Variants in TBC1D2B observed in about 807,000 individuals in gnomAD.
TBC1D2B encodes the protein TBC1 domain family member 2B, also known as TBC1 domain family, member 2B.
In TBC1D2B, 64 loss-of-function variants were observed where a neutral mutation model predicts 100.8. The observed-to-expected ratio is 0.64, with a 90% CI of 0.52 to 0.78. TBC1D2B has a LOEUF of 0.78. Ranked by LOEUF, TBC1D2B falls within the 30% of genes least tolerant of loss-of-function variation. The pLI is 0.00. For missense variants in TBC1D2B, 1,052 were observed against 1,218.4 expected (o/e 0.86, Z 2.03); for synonymous variants, 480 against 479.7 (o/e 1.00, Z -0.01).
intron 8 of TBC1D2B, among the ~76,000 whole-genome samples, chr15:78,014,026 G>T (rs2072305063): frequency 6.6e-6 from 1 of 152,194 alleles, no homozygotes; most frequent in Middle Eastern, 3.2e-3. Context: ...ATGGGAAAAG[G>T]GGCCACAGGC....
chr15:78,025,275 T>A lies in TBC1D2B; in HGVS notation c.1070A>T (p.Asp357Val), dbSNP rs1567020441. The A allele has an allele frequency of 6.2e-7, 1 of 1,613,504 alleles. No individual in the cohort carries two copies. The highest frequency in any genetic ancestry group is 1.7e-5 in the Admixed American group (1 of 60,020). Residue 357 changes from aspartate (D) to valine (V), a missense_variant, in exon 5 of 13, where the codon GAC (aspartate) becomes GTC (valine). Transcript: ENST00000300584. ...AGAAGTTACCTTCTGACTGGACAGG[T>A]CTTTCTTTAACTGTTCCAGCTCTTC... The part of the protein sequence containing the change: ...QQEELEQLKK[D>V]LSSQKELVRL...
chr15:78,069,175 A>T (rs1236252617), intron 1 of TBC1D2B, among the ~76,000 whole-genome samples: 1 of 152,146 alleles, frequency 6.6e-6, no homozygotes. Context: ...TACTCCTTCC[A>T]TTTCTCAAGA....
chr15:78,077,411 T>C lies in TBC1D2B; in HGVS notation c.242A>G (p.His81Arg). ...GAAGCAGGCGTCCGCGATGTCCAAG[T>C]GGCCGAGGGGCAGCGCGTCCTGCGG... is the stretch of plus-strand genomic sequence containing the variant. ...KSPQDALPLGHLDIADACFSY... is the reference protein window; with the variant it reads ...KSPQDALPLGRLDIADACFSY... Residue 81 changes from histidine to arginine, a missense_variant, in exon 1 of 13, where the codon CAC becomes CGC. Around this residue, in one of 4 missense-constraint regions of TBC1D2B, gnomAD observed 627 missense variants for 646.1 expected, o/e 0.97. Transcript: ENST00000300584. 6.5e-7 allele frequency: 1 copy of C among 1,546,334 alleles called. No individual in the cohort carries two copies.
intron 3 of TBC1D2B, 87 bp downstream of exon 3, chr15:78,044,813 G>A: frequency 8.0e-7 from 1 of 1,253,420 alleles, no homozygotes; most frequent in Non-Finnish European, 1.1e-6. Context: ...GTGTAAGATA[G>A]TTTTATAACT....
chr15:78,000,084 C>A (rs1433038243), intron 12 of TBC1D2B, among the ~76,000 whole-genome samples: 1 of 152,228 alleles, frequency 6.6e-6, no homozygotes, highest in Admixed American at 6.5e-5. Flanking sequence ...AGCCCAGAGG[C>A]GGATTATGGG....
intron 11 of TBC1D2B, 75 bp from the exon 12 acceptor site, chr15:78,001,815 T>A: frequency 1.3e-6 from 2 of 1,499,450 alleles, no homozygotes; most frequent in Non-Finnish European, 1.8e-6. Flanking sequence ...TCCAGGGGGG[T>A]GCTGGCCCTA....
chr15:78,057,456 A>C (rs2073449254), intron 1 of TBC1D2B, among the ~76,000 whole-genome samples: 2 of 152,184 alleles, frequency 1.3e-5, no homozygotes, highest in Non-Finnish European at 2.9e-5. Context: ...AGCCTAGCCA[A>C]CATGGTGAAA....
At chr15:78,049,140 T>C (rs547531510) in intron 2 of TBC1D2B, among the ~76,000 whole-genome samples, 9 of 152,250 alleles carry the variant, frequency 5.9e-5, no homozygotes, top group Admixed American at 2.0e-4. Flanking sequence ...AGTGAGGACA[T>C]AGCATACATC....
Position 78,077,334 on chromosome 15 carries a change from G to A in TBC1D2B, c.319C>T (p.His107Tyr). 1.3e-6 allele frequency: 2 copies of A among 1,536,892 alleles called. No homozygotes were observed. Among genetic ancestry groups the A allele is most frequent in the South Asian group, 1.2e-5 (1 of 82,826 alleles). ...AAEPGTEPPAHFQVHSAGAVT... is the reference protein window; with the variant it reads ...AAEPGTEPPAYFQVHSAGAVT... ...GCTCCCGCGCTGTGCACCTGGAAGT[G>A]CGCGGGCGGCTCCGTGCCCGGCTCC... is the stretch of plus-strand genomic sequence containing the variant. The change falls in exon 1 of 13, where the codon CAC becomes TAC. Residue 107 changes from histidine to tyrosine, a missense_variant. Transcript: ENST00000300584.
intron 3 of TBC1D2B, among the ~76,000 whole-genome samples, chr15:78,033,701 A>T (rs894799786): frequency 6.6e-6 from 1 of 152,242 alleles, no homozygotes; most frequent in Non-Finnish European, 1.5e-5. Context: ...CAAATAAATA[A>T]GGAAGAGGAA....
chr15:77,995,975 CA>C lies in TBC1D2B; in HGVS notation c.*2184del, dbSNP rs1254044741. On this transcript the variant is annotated 3_prime_UTR_variant, in exon 13 of 13. Coordinates refer to ENST00000300584, the MANE Select transcript of TBC1D2B (RefSeq NM_144572.2). ...AGTGTTAGCGCAAAAGAGTGGGGCC[CA>C]CAGTCCTGGAAGGAGGAGTTGGCTC... The C allele has an allele frequency of 2.0e-5, 3 of 151,536 alleles. No homozygotes were observed. 9.4% of individuals were successfully genotyped at this position (151,536 alleles called of 1,614,324 possible). A position where few individuals can be genotyped will look rare whatever the true frequency, so the allele number is the denominator to read the frequency against.
At chr15:78,074,892 A>G (rs553848982) in intron 1 of TBC1D2B, among the ~76,000 whole-genome samples, 1 of 152,212 alleles carries the variant, frequency 6.6e-6, no homozygotes, top group Non-Finnish European at 1.5e-5. Context: ...ATATGAATAC[A>G]CTACATATTT....
In TBC1D2B at chr15:78,025,493, T is replaced by C. The variant is rs527684278; in HGVS notation, c.852A>G (p.Val284=). The part of the protein sequence containing the change: ...KKLTPEGNKG[V]TGSGFPFDFG... The stretch of plus-strand genomic sequence containing the variant: ...AATCAAAGGGGAATCCTGAGCCAGT[T>C]ACTCCTACATAAAAATAAAACTTGT... The change falls in exon 5 of 13, where the codon GTA becomes GTG. Residue 284 remains valine (V), a synonymous_variant. Transcript: ENST00000300584. 48 of 1,586,220 alleles carry C rather than the reference T, an allele frequency of 3.0e-5. No homozygotes were observed. The South Asian group carries it at 5.3e-4, about 18-fold the overall frequency.
intron 2 of TBC1D2B, among the ~76,000 whole-genome samples, chr15:78,050,569 C>T (rs971319217): frequency 2.0e-5 from 3 of 152,214 alleles, no homozygotes; most frequent in African/African-American, 7.2e-5. Context: ...TCATTCTCAA[C>T]AGCTATAAAG....
In TBC1D2B at chr15:77,998,278, A is replaced by G; in HGVS notation, c.2774T>C (p.Leu925Ser). The G allele has an allele frequency of 6.2e-7, 1 of 1,605,074 alleles. No individual in the cohort carries two copies. Among genetic ancestry groups the G allele is most frequent in the South Asian group, 1.1e-5 (1 of 88,974 alleles). Residue 925 changes from leucine to serine, a missense_variant, in exon 13 of 13, where the codon TTG (leucine) becomes TCG (serine). Transcript: ENST00000300584. ...RQIRNRRAYH[L>S]EKVRLELTEL... ...GGTCAGCTCCAGCCGGACTTTCTCC[A>G]AGTGGTAGGCGCGTCGGTTCCGGAT... is the stretch of plus-strand genomic sequence containing the variant.
intron 8 of TBC1D2B, among the ~76,000 whole-genome samples, chr15:78,015,190 G>A (rs1373124060): frequency 1.3e-5 from 2 of 152,006 alleles, no homozygotes; most frequent in Non-Finnish European, 2.9e-5. Context: ...AACAGCGCGA[G>A]ACTCTGTCTC....
At chr15:78,059,037 C>T (rs2073485569) in intron 1 of TBC1D2B, among the ~76,000 whole-genome samples, 1 of 151,712 alleles carries the variant, frequency 6.6e-6, no homozygotes, top group Non-Finnish European at 1.5e-5. Flanking sequence ...TTTGTCTCCC[C>T]TAACACCAGT....
rs1453862002 is a variant in TBC1D2B at position 77,995,613 on chromosome 15, T to TAAAAATATAA, written c.*2546_*2547insTTATATTTTT. ...CTTGAGAAAATAGCCTATAAAAATA[T>TAAAAATATAA]AAACTGTAGTGAGAGTGTACAAAAG... On this transcript the variant is annotated 3_prime_UTR_variant, in exon 13 of 13. Coordinates refer to ENST00000300584, the MANE Select transcript of TBC1D2B (RefSeq NM_144572.2). 9 of 152,574 alleles carry TAAAAATATAA rather than the reference T, an allele frequency of 5.9e-5. No individual in the cohort carries two copies. In the East Asian group the frequency reaches 1.7e-3, roughly 29 times the overall value. The allele number at this position is 152,574 out of a possible 1,614,324, so 9.5% of individuals were successfully genotyped here.
intron 10 of TBC1D2B, among the ~76,000 whole-genome samples, chr15:78,007,733 T>C (rs1035246179): frequency 5.3e-5 from 8 of 152,098 alleles, no homozygotes; most frequent in African/African-American, 1.7e-4. Context: ...CCCAGAGTTA[T>C]AGCAAGGGCA....
Sources: allele counts gnomAD v4.1 joint callset (sites outside exome capture counted in the v4.1 genomes callset), GRCh38; gene constraint gnomAD v4.1.1; regional missense constraint gnomAD v4.1.1; transcripts MANE v1.5; gene names NCBI Gene and HGNC (gene_info 2026-07-23, HGNC 2026-07-21).